Variants in RAB11FIP5 observed in about 807,000 individuals in gnomAD.
The protein encoded by RAB11FIP5 is RAB11 family interacting protein 5.
RAB11FIP5 carries 48 observed loss-of-function variants against 85.1 expected under a neutral mutation model. The ratio of observed to expected loss-of-function variants is 0.56; its 90% CI spans 0.45 to 0.72. RAB11FIP5 has a LOEUF of 0.72. Among genes scored for constraint, RAB11FIP5 ranks in the 30% least tolerant of loss-of-function variants. RAB11FIP5 has a pLI of 0.00. For synonymous variants in RAB11FIP5, 729 were observed against 727.3 expected, an observed-to-expected ratio of 1.00 and a Z score of -0.04; for missense variants, 1,491 against 1,687.0, an observed-to-expected ratio of 0.88 and a Z score of 2.04.
chr2:73,112,549 G>C lies in RAB11FIP5; in HGVS notation c.229C>G (p.Leu77Val). The C allele has an allele frequency of 6.4e-7, 1 of 1,553,450 alleles. No homozygotes were observed. The highest frequency in any genetic ancestry group is 8.7e-7 in the Non-Finnish European group (1 of 1,152,496). Reference protein sequence around the residue: ...PEWREECSFELPPGALDGLLR... With the variant: ...PEWREECSFEVPPGALDGLLR... Reference sequence around the variant, plus strand: ...AGGCCATCCAGGGCCCCCGGCGGCAGCTCGAAGGAGCACTCCTCACGCCAC... The same window carrying C: ...AGGCCATCCAGGGCCCCCGGCGGCACCTCGAAGGAGCACTCCTCACGCCAC... The change falls in exon 1 of 6, where the codon CTG becomes GTG. Residue 77 changes from leucine (L) to valine (V), a missense_variant. This residue lies in a region of RAB11FIP5 where 1,211 missense variants were observed against 1,338.0 expected (regional missense o/e 0.91). Transcript: ENST00000486777.
rs1683928947 is a variant in RAB11FIP5 at position 73,079,663 on chromosome 2, T to TGTGGCTCCTCAGCTGGTC, written c.3551_3568dup (p.Arg1184_Pro1189dup). 8.1e-7 allele frequency: 1 copy of TGTGGCTCCTCAGCTGGTC among 1,233,294 alleles called. No individual in the cohort carries two copies. Among genetic ancestry groups the TGTGGCTCCTCAGCTGGTC allele is most frequent in the Non-Finnish European group, 1.0e-6 (1 of 988,948 alleles). 76.4% of individuals were successfully genotyped at this position (1,233,294 alleles called of 1,614,324 possible). A position where few individuals can be genotyped will look rare whatever the true frequency, so the allele number is the denominator to read the frequency against. On this transcript the variant is annotated inframe_insertion, in exon 4 of 6. Transcript: ENST00000486777. ...GGTGGATGCTCACCTGGCACTGGGC[T>TGTGGCTCCTCAGCTGGTC]GTGGCTCCTCAGCTGGTCGTGTCTC...
chr2:73,099,037 TTTTTTTC>T (rs1164203730), intron 1 of RAB11FIP5, among the ~76,000 whole-genome samples: 2 of 151,770 alleles, frequency 1.3e-5, no homozygotes, highest in East Asian at 1.9e-4. Flanking sequence ...TTTTTTGTTT[TTTTTTTC>T]TTTTTTCTTT....
At position 73,075,527 on chromosome 2, in the gene RAB11FIP5, G is replaced by C. The variant is rs1406268261; in HGVS notation, c.3969C>G (p.Pro1323=). The C allele has an allele frequency of 6.2e-7, 1 of 1,613,654 alleles. No homozygotes were observed. Among genetic ancestry groups the C allele is most frequent in the Non-Finnish European group, 8.5e-7 (1 of 1,179,760 alleles). The change falls in exon 6 of 6, where the codon CCC becomes CCG. Residue 1323 remains proline (P), a synonymous_variant. Coordinates refer to ENST00000486777, the MANE Select transcript of RAB11FIP5 (RefSeq NM_001371272.1). This position sits in a 1 kb window ranked among gnomAD's most constrained non-coding sequence, Gnocchi z 4.6. The part of the protein sequence containing the change: ...PTLLQIPPGP[P]K ...GGGGGTAGGGTGAGGAAGGCTATTT[G>C]GGGGGGCCCGGGGGGATCTGCAGCA... is the stretch of plus-strand genomic sequence containing the variant.
Position 73,075,779 on chromosome 2 carries a change from T to C in RAB11FIP5, c.3772-55A>G, listed in dbSNP as rs1364261213. The C allele has an allele frequency of 6.6e-6, 10 of 1,518,008 alleles. No individual in the cohort carries two copies. The highest frequency in any genetic ancestry group is 8.9e-6 in the Non-Finnish European group (10 of 1,124,708). The allele number at this position is 1,518,008 out of a possible 1,614,324, so 94.0% of individuals were successfully genotyped here. A position where few individuals can be genotyped will look rare whatever the true frequency, so the allele number is the denominator to read the frequency against. ...GCAGCCCTAGGCCTGCCTGCCTGCC[T>C]GCCCGCTTGCCCGCCCGCCCGCCTG... On this transcript the variant is annotated intron_variant, in intron 5 of 5. Coordinates refer to ENST00000486777, the MANE Select transcript of RAB11FIP5 (RefSeq NM_001371272.1). This position sits in a 1 kb window ranked among gnomAD's most constrained non-coding sequence, Gnocchi z 4.6.
At chr2:73,106,198 T>C (rs896204409) in intron 1 of RAB11FIP5, among the ~76,000 whole-genome samples, 3 of 152,198 alleles carry the variant, frequency 2.0e-5, no homozygotes, top group African/African-American at 7.2e-5. Context: ...AGCACCCAGA[T>C]AGGCCTTCAT....
rs1684136413 is a variant in RAB11FIP5, at chr2:73,088,454, G to A, written c.1164C>T (p.Pro388=). 3 of 1,613,824 alleles carry A rather than the reference G, an allele frequency of 1.9e-6. No individual in the cohort carries two copies. In the South Asian group the frequency reaches 3.3e-5, roughly 18 times the overall value. Residue 388 remains proline, a synonymous_variant, in exon 3 of 6, where the codon CCC becomes CCT. Transcript: ENST00000486777. ...AGCTGCTGTTGCTACGACTGCCTCT[G>A]GGCCAGGTGTCATCTGTGGAACGAG... The part of the protein sequence containing the change: ...EGPRSTDDTW[P]RGSRSNSSSE...
intron 1 of RAB11FIP5, among the ~76,000 whole-genome samples, chr2:73,106,209 C>G (rs1684523187): frequency 6.6e-6 from 1 of 152,204 alleles, no homozygotes; most frequent in Non-Finnish European, 1.5e-5. Context: ...AGGCCTTCAT[C>G]AGCAATGCAC....
At chr2:73,104,393 C>A (rs1202267180) in intron 1 of RAB11FIP5, among the ~76,000 whole-genome samples, 1 of 152,068 alleles carries the variant, frequency 6.6e-6, no homozygotes, top group African/African-American at 2.4e-5. Context: ...GCCTGGCCAA[C>A]ATGGTCTCTA....
intron 4 of RAB11FIP5, 111 bp from the exon 5 acceptor site, chr2:73,076,293 C>T (rs1478168963): frequency 6.6e-6 from 7 of 1,061,318 alleles, no homozygotes; most frequent in African/African-American, 1.6e-5. Flanking sequence ...AAGCCCAGCA[C>T]TGGGTGGTAG....
chr2:73,084,491 C>T (rs1684056900), intron 3 of RAB11FIP5: 1 of 152,322 alleles, frequency 6.6e-6, no homozygotes, highest in East Asian at 1.9e-4. Context: ...GATTTGTCTT[C>T]TCTTTTAGGA....
rs567428657 is a variant in RAB11FIP5 at position 73,109,378 on chromosome 2, C to T, written c.431+2969G>A. 2.6e-5 allele frequency among the ~76,000 whole-genome samples: 4 copies of T among 152,304 alleles called. No individual in the cohort carries two copies. In the South Asian group the frequency reaches 8.3e-4, roughly 32 times the overall value. ...CACCACGCTAATATTTTGAGAGCTT[C>T]TATGTATCCAGAACTACATTAAGGC... On this transcript the variant is annotated intron_variant, in intron 1 of 5. Coordinates refer to ENST00000486777, the MANE Select transcript of RAB11FIP5 (RefSeq NM_001371272.1).
intron 1 of RAB11FIP5, among the ~76,000 whole-genome samples, chr2:73,111,999 G>A (rs1684666995): frequency 6.6e-6 from 1 of 152,128 alleles, no homozygotes; most frequent in Non-Finnish European, 1.5e-5. Flanking sequence ...AGGCAGGCCC[G>A]GAGGTTCTAA....
In RAB11FIP5 at chr2:73,081,497, C is replaced by T; in HGVS notation, c.1735G>A (p.Ala579Thr). Reference sequence around the variant, plus strand: ...GCTTCAGGGGCGGCGGTGGTGGCGGCAGCGGCAGCAGTGGCAGCAGCGGGG... The same window carrying T: ...GCTTCAGGGGCGGCGGTGGTGGCGGTAGCGGCAGCAGTGGCAGCAGCGGGG... ...ASPAAATAAA[A>T]ATTAAPEATP... Residue 579 changes from alanine (A) to threonine (T), a missense_variant, in exon 4 of 6, where the codon GCC becomes ACC. Physicochemically the swap from Ala to Thr is moderately conservative, Grantham distance 58 (BLOSUM62 0). This residue lies in a region of RAB11FIP5 where 1,211 missense variants were observed against 1,338.0 expected (regional missense o/e 0.91). Transcript: ENST00000486777. The surrounding 1 kb of genome is among the most constrained non-coding windows in gnomAD (Gnocchi z 4.2). The T allele has an allele frequency of 8.1e-7, 1 of 1,234,336 alleles. No individual in the cohort carries two copies. Among genetic ancestry groups the T allele is most frequent in the East Asian group, 3.1e-5 (1 of 31,782 alleles). The allele number at this position is 1,234,336 out of a possible 1,614,324, so 76.5% of individuals were successfully genotyped here.
intron 1 of RAB11FIP5, among the ~76,000 whole-genome samples, chr2:73,100,559 G>A (rs1232958575): frequency 6.6e-6 from 1 of 151,172 alleles, no homozygotes; most frequent in Non-Finnish European, 1.5e-5. Flanking sequence ...CTGAGTAGCT[G>A]GGATTAAAGG....
chr2:73,081,102 TC>T lies in RAB11FIP5; in HGVS notation c.2129del (p.Gly710GlufsTer37), dbSNP rs1429678316. 5 of 1,021,098 alleles carry T rather than the reference TC, an allele frequency of 4.9e-6. No individual in the cohort carries two copies. In the African/African-American group the frequency reaches 1.2e-4, roughly 24 times the overall value. 63.3% of individuals were successfully genotyped at this position (1,021,098 alleles called of 1,614,324 possible). On this transcript the variant is annotated frameshift_variant, in exon 4 of 6. Transcript: ENST00000486777. LOFTEE classifies it high-confidence loss of function. The surrounding 1 kb of genome is among the most constrained non-coding windows in gnomAD (Gnocchi z 4.2). ...PGGGGGGGGG[G>X]GGRGGSSVWL... is the part of the protein sequence containing the mutation. ...ACACGCTGCTCCCACCTCTTCCTCC[TC>T]CTCCTCCTCCTCCTCCTCCTCCTCC...
chr2:73,087,650 C>A (rs925456580), intron 3 of RAB11FIP5, among the ~76,000 whole-genome samples: 3 of 152,156 alleles, frequency 2.0e-5, no homozygotes, highest in African/African-American at 7.2e-5. Flanking sequence ...TCTGAGAGTG[C>A]GGTCTCCAGT....
chr2:73,091,809 C>T (rs1041138856), intron 1 of RAB11FIP5, among the ~76,000 whole-genome samples: 4 of 152,180 alleles, frequency 2.6e-5, no homozygotes, highest in African/African-American at 4.8e-5. Context: ...AGACCTACTC[C>T]GCAGCCTGAG....
At chr2:73,105,278 T>C (rs1410662742) in intron 1 of RAB11FIP5, among the ~76,000 whole-genome samples, 2 of 152,130 alleles carry the variant, frequency 1.3e-5, no homozygotes, top group African/African-American at 2.4e-5. Context: ...GATCTTGCTC[T>C]GTCACCCAGG....
Position 73,080,330 on chromosome 2 carries a change from T to C in RAB11FIP5, c.2902A>G (p.Thr968Ala), listed in dbSNP as rs1052047907. ...SEESDSCSSA[T>A]LLGQPGLEEL... ...TCCAGGCCAGGCTGGCCCAGCAGGG[T>C]TGCAGAGGAGCAGCTGTCAGACTCC... The change falls in exon 4 of 6, where the codon ACC (threonine) becomes GCC (alanine). Residue 968 changes from threonine to alanine, a missense_variant. Physicochemically the swap from Thr to Ala is moderately conservative, Grantham distance 58. This residue lies in a region of RAB11FIP5 where 1,211 missense variants were observed against 1,338.0 expected (regional missense o/e 0.91). Coordinates refer to ENST00000486777, the MANE Select transcript of RAB11FIP5 (RefSeq NM_001371272.1). 3.3e-5 allele frequency: 41 copies of C among 1,232,582 alleles called. No individual in the cohort carries two copies. Among genetic ancestry groups the C allele is most frequent in the Non-Finnish European group, 4.0e-5 (40 of 988,346 alleles). The allele number at this position is 1,232,582 out of a possible 1,614,324, so 76.4% of individuals were successfully genotyped here. A position where few individuals can be genotyped will look rare whatever the true frequency, so the allele number is the denominator to read the frequency against.
Sources: gnomAD v4.1 joint callset for allele counts (sites outside exome capture counted in the v4.1 genomes callset) on GRCh38, gnomAD v4.1.1 for gene constraint, gnomAD v4.1.1 regional missense constraint, Gnocchi (gnomAD v3.1) non-coding constraint, MANE v1.5 for transcripts, NCBI Gene and HGNC (gene_info 2026-07-23, HGNC 2026-07-21) for gene names.